Variants in SGCZ observed in about 807,000 individuals in gnomAD.
SGCZ encodes zeta-sarcoglycan.
In SGCZ, 40 loss-of-function variants were observed where a neutral mutation model predicts 41.3. That is an observed-to-expected ratio of 0.97 (90% CI 0.75 to 1.26). SGCZ has a LOEUF of 1.26. Ranked by LOEUF, SGCZ falls within the 50% of genes most tolerant of loss-of-function variation. The pLI is 0.00. For synonymous variants in SGCZ, 206 were observed against 137.5 expected (o/e 1.50, Z -3.49); for missense variants, 552 against 369.8 (o/e 1.49, Z -4.04).
chr8:14,962,335 C>T (rs1205799034), intron 1 of SGCZ, among the ~76,000 whole-genome samples: 1 of 151,458 alleles, frequency 6.6e-6, no homozygotes, highest in Non-Finnish European at 1.5e-5. Flanking sequence ...TAGCTATTAC[C>T]CTTTTAACAA....
chr8:14,729,097 C>G (rs545964653), intron 1 of SGCZ, among the ~76,000 whole-genome samples: 56 of 152,234 alleles, frequency 3.7e-4, no homozygotes, highest in African/African-American at 1.3e-3. Context: ...ACAAATTGAT[C>G]TCCCTTAAGA....
chr8:14,324,554 T>A (rs1424300019), intron 2 of SGCZ, among the ~76,000 whole-genome samples: 2 of 152,130 alleles, frequency 1.3e-5, no homozygotes, highest in African/African-American at 2.4e-5. Context: ...AATAACTTTG[T>A]TTGCAGAGAA....
intron 7 of SGCZ, among the ~76,000 whole-genome samples, chr8:14,100,401 C>T (rs533746052): frequency 1.1e-4 from 17 of 150,614 alleles, no homozygotes; most frequent in African/African-American, 3.9e-4. Flanking sequence ...TTACCATTAT[C>T]AAAGCAACTC....
At chr8:14,464,486 A>T (rs115483196) in intron 2 of SGCZ, among the ~76,000 whole-genome samples, 6,455 of 135,876 alleles carry the variant, frequency 0.048, 396 homozygotes, top group African/African-American at 0.15. Context: ...TTTGAGTGGT[A>T]TTTTTTTTTT....
intron 4 of SGCZ, among the ~76,000 whole-genome samples, chr8:14,232,191 A>G (rs968241371): frequency 6.6e-6 from 1 of 151,848 alleles, no homozygotes; most frequent in Non-Finnish European, 1.5e-5. Context: ...GCTGATTGAC[A>G]CACTCTGAGA....
At chr8:14,710,779 T>G (rs1055999295) in intron 1 of SGCZ, among the ~76,000 whole-genome samples, 1 of 152,198 alleles carries the variant, frequency 6.6e-6, no homozygotes, top group South Asian at 2.1e-4. Flanking sequence ...TATTTTTAAG[T>G]GTAAAATAGT....
At chr8:14,896,081 A>G (rs1805188340) in intron 1 of SGCZ, among the ~76,000 whole-genome samples, 1 of 152,222 alleles carries the variant, frequency 6.6e-6, no homozygotes, top group Non-Finnish European at 1.5e-5. Flanking sequence ...ATTACAGGTC[A>G]TTAAAATCAA....
At chr8:14,271,791 A>C (rs1028207176) in intron 3 of SGCZ, among the ~76,000 whole-genome samples, 2 of 152,124 alleles carry the variant, frequency 1.3e-5, no homozygotes, top group African/African-American at 4.8e-5. Flanking sequence ...ATTCATATCT[A>C]CTGTAAGGCA....
intron 1 of SGCZ, among the ~76,000 whole-genome samples, chr8:15,051,787 C>A (rs150077506): frequency 5.9e-5 from 9 of 152,100 alleles, no homozygotes; most frequent in African/African-American, 2.2e-4. Flanking sequence ...TTATACTATG[C>A]ATGTGGGTTT....
chr8:14,711,289 TTAATAATG>T (rs1809505809), intron 1 of SGCZ, among the ~76,000 whole-genome samples: 1 of 151,998 alleles, frequency 6.6e-6, no homozygotes, highest in African/African-American at 2.4e-5. Flanking sequence ...TTTATTCTCA[TTAATAATG>T]TACATATGTT....
At chr8:14,471,366 T>TA (rs1330832151) in intron 2 of SGCZ, among the ~76,000 whole-genome samples, 1 of 152,140 alleles carries the variant, frequency 6.6e-6, no homozygotes, top group Non-Finnish European at 1.5e-5. Context: ...ACTATTGTAC[T>TA]AAAGATGCTC....
chr8:14,168,251 C>T (rs1161451845), intron 4 of SGCZ, among the ~76,000 whole-genome samples: 1 of 152,134 alleles, frequency 6.6e-6, no homozygotes, highest in African/African-American at 2.4e-5. Context: ...TTTAGAATTG[C>T]TGTGGGCCAA....
intron 5 of SGCZ, among the ~76,000 whole-genome samples, chr8:14,153,429 C>G (rs1803773996): frequency 6.6e-6 from 1 of 152,114 alleles, no homozygotes; most frequent in East Asian, 1.9e-4. Flanking sequence ...AATCAGTTAC[C>G]TAACCTGGTC....
At chr8:15,122,192 T>C (rs1585585970) in intron 1 of SGCZ, among the ~76,000 whole-genome samples, 1 of 147,448 alleles carries the variant, frequency 6.8e-6, no homozygotes, top group South Asian at 2.1e-4. Flanking sequence ...TCAAAGATAA[T>C]CTGCAATGGG....
At chr8:14,661,561 T>A (rs1348151375) in intron 1 of SGCZ, among the ~76,000 whole-genome samples, 2 of 152,180 alleles carry the variant, frequency 1.3e-5, no homozygotes, top group Admixed American at 1.3e-4. Context: ...TGTCAACAAT[T>A]GGTCATCCCT....
chr8:14,724,835 C>A (rs1310165774), intron 1 of SGCZ, among the ~76,000 whole-genome samples: 1 of 151,996 alleles, frequency 6.6e-6, no homozygotes, highest in African/African-American at 2.4e-5. Context: ...TTTATGATTT[C>A]TTTGTGTCAG....
At chr8:14,870,106 A>T (rs781692936) in intron 1 of SGCZ, among the ~76,000 whole-genome samples, 3 of 152,226 alleles carry the variant, frequency 2.0e-5, no homozygotes, top group Non-Finnish European at 4.4e-5. Flanking sequence ...ACCAAAAAAG[A>T]GCCAGTATAG....
At chr8:14,297,188 G>A (rs1197615524) in intron 3 of SGCZ, among the ~76,000 whole-genome samples, 2 of 152,034 alleles carry the variant, frequency 1.3e-5, no homozygotes, top group African/African-American at 2.4e-5. Context: ...CTCCAAAAGT[G>A]CTGGGATTAC....
chr8:14,102,416 G>A lies in SGCZ; in HGVS notation c.704C>T (p.Thr235Ile), dbSNP rs751260987. 2.6e-6 allele frequency: 4 copies of A among 1,526,572 alleles called. No individual in the cohort carries two copies. Among genetic ancestry groups the A allele is most frequent in the East Asian group, 2.4e-5 (1 of 41,824 alleles). 94.6% of individuals were successfully genotyped at this position (1,526,572 alleles called of 1,614,324 possible). The change falls in exon 7 of 8, where the codon ACC becomes ATC. Residue 235 changes from threonine (T) to isoleucine (I), a missense_variant. Thr to Ile is a moderately conservative substitution (Grantham distance 89, BLOSUM62 -1). Coordinates refer to ENST00000382080, the MANE Select transcript of SGCZ (RefSeq NM_139167.4). The part of the protein sequence containing the change: ...VSAAAGDFKA[T>I]CRKELHLQST... ...TTGCAGATGGAGCTCCTTCCTGCAG[G>A]TGGCCTTGAAGTCTCCTGCAGCAGC...
Sources: gnomAD v4.1 joint callset for allele counts (sites outside exome capture counted in the v4.1 genomes callset) on GRCh38, gnomAD v4.1.1 for gene constraint, MANE v1.5 for transcripts, NCBI Gene and HGNC (gene_info 2026-07-23, HGNC 2026-07-21) for gene names.